PRKAR1B: variants seen among roughly 807,000 people sequenced by gnomAD.
PRKAR1B encodes cAMP-dependent protein kinase type I-beta regulatory subunit.
PRKAR1B carries 22 observed loss-of-function variants against 46.5 expected under a neutral mutation model. That is an observed-to-expected ratio of 0.47 (90% CI 0.34 to 0.68). PRKAR1B has a LOEUF of 0.68. Among genes scored for constraint, PRKAR1B ranks in the 30% least tolerant of loss-of-function variants. PRKAR1B has a pLI of 0.01. For synonymous variants in PRKAR1B, 259 were observed against 217.7 expected (o/e 1.19, Z -1.67); for missense variants, 445 against 535.6 (o/e 0.83, Z 1.67).
rs1199036298 is a variant in PRKAR1B at position 726,984 on chromosome 7, C to A, written c.-23+226G>T. 2.3e-6 allele frequency: 3 copies of A among 1,283,544 alleles called. No homozygotes were observed. In the African/African-American group the frequency reaches 4.7e-5, roughly 20 times the overall value. 79.5% of individuals were successfully genotyped at this position (1,283,544 alleles called of 1,614,324 possible). On this transcript the variant is annotated intron_variant, in intron 1 of 10. Coordinates refer to ENST00000537384, the MANE Select transcript of PRKAR1B (RefSeq NM_001164760.2). ...GCTTGCTGCGCTGCCTGAGCGACCCCGCCGAGGGCTGCCGCGCGCTGGCAG... is the reference window on the plus strand; with the variant it reads ...GCTTGCTGCGCTGCCTGAGCGACCCAGCCGAGGGCTGCCGCGCGCTGGCAG...
chr7:564,127 G>A (rs544621480), intron 9 of PRKAR1B, among the ~76,000 whole-genome samples: 3 of 152,022 alleles, frequency 2.0e-5, no homozygotes, highest in Admixed American at 6.5e-5. Flanking sequence ...CATACCCCAC[G>A]CAGCCACCAC....
intron 2 of PRKAR1B, among the ~76,000 whole-genome samples, chr7:682,755 A>T (rs1778763842): frequency 6.6e-6 from 1 of 152,134 alleles, no homozygotes; most frequent in East Asian, 1.9e-4. Flanking sequence ...AAAAAAAAAA[A>T]AATTGTTTTA....
chr7:722,594 A>G (rs768833208), intron 1 of PRKAR1B, among the ~76,000 whole-genome samples: 3 of 150,852 alleles, frequency 2.0e-5, no homozygotes, highest in African/African-American at 7.3e-5. Context: ...CTGGTTTCAA[A>G]CTCCTGACCT....
intron 7 of PRKAR1B, among the ~76,000 whole-genome samples, chr7:587,826 G>C (rs1780685335): frequency 6.6e-6 from 1 of 152,236 alleles, no homozygotes; most frequent in African/African-American, 2.4e-5. Context: ...TGCTGTGGAA[G>C]GAAAACAGCT....
intron 8 of PRKAR1B, among the ~76,000 whole-genome samples, chr7:582,044 T>G (rs935708639): frequency 6.6e-6 from 1 of 152,192 alleles, no homozygotes; most frequent in South Asian, 2.1e-4. Flanking sequence ...ACAGATGGGA[T>G]CCATCCCCAT....
At chr7:645,974 G>T (rs529527083) in intron 4 of PRKAR1B, among the ~76,000 whole-genome samples, 5 of 152,192 alleles carry the variant, frequency 3.3e-5, no homozygotes, top group Non-Finnish European at 7.3e-5. Flanking sequence ...GTGTGCACCT[G>T]ACCCCACGAG....
At chr7:726,585 C>G (rs972756350) in intron 1 of PRKAR1B, 3 of 551,630 alleles carry the variant, frequency 5.4e-6, no homozygotes, top group African/African-American at 2.1e-5. Flanking sequence ...ACGACAAGAG[C>G]ACAGGCCCAC....
At chr7:722,618 C>A (rs562955603) in intron 1 of PRKAR1B, among the ~76,000 whole-genome samples, 1 of 146,056 alleles carries the variant, frequency 6.8e-6, no homozygotes, top group East Asian at 2.0e-4. Flanking sequence ...GTGATCTGCC[C>A]GCCTTGGCCT....
intron 2 of PRKAR1B, among the ~76,000 whole-genome samples, chr7:698,428 G>A (rs924435074): frequency 5.9e-5 from 9 of 152,096 alleles, no homozygotes; most frequent in African/African-American, 2.2e-4. Flanking sequence ...AAGTACGTGT[G>A]CATGTGTGTC....
rs367634048 is a variant in PRKAR1B at position 601,333 on chromosome 7, A to T, written c.549+4860T>A. On this transcript the variant is annotated intron_variant, in intron 6 of 10. Coordinates refer to ENST00000537384, the MANE Select transcript of PRKAR1B (RefSeq NM_001164760.2). ...AGGCGATTTACAGAAACCAGCAAAC[A>T]ACATGCAGCACCCAGGGTTCACACA... is the stretch of plus-strand genomic sequence containing the variant. Among the ~76,000 whole-genome samples the T allele has an allele frequency of 4.6e-5, 7 of 152,294 alleles. No homozygotes were observed. In the South Asian group the frequency reaches 8.3e-4, roughly 18 times the overall value.
chr7:670,223 G>A (rs977842868), intron 4 of PRKAR1B, among the ~76,000 whole-genome samples: 2 of 152,154 alleles, frequency 1.3e-5, no homozygotes, highest in African/African-American at 4.8e-5. Context: ...AGGGAGGACA[G>A]ATGTTGGAAA....
intron 7 of PRKAR1B, among the ~76,000 whole-genome samples, chr7:586,577 G>A (rs1324471859): frequency 3.9e-5 from 6 of 152,160 alleles, no homozygotes; most frequent in South Asian, 2.1e-4. Context: ...CCCCCAGCCC[G>A]AGGAGGGTTC....
intron 4 of PRKAR1B, among the ~76,000 whole-genome samples, chr7:615,820 T>TC (rs1782779203): frequency 1.5e-5 from 1 of 67,544 alleles, no homozygotes; most frequent in Admixed American, 2.7e-4. Flanking sequence ...AGAGCAAGAC[T>TC]CCATCAAAAA....
At chr7:556,309 C>A (rs145163942) in intron 9 of PRKAR1B, among the ~76,000 whole-genome samples, 4 of 151,830 alleles carry the variant, frequency 2.6e-5, no homozygotes, top group Non-Finnish European at 5.9e-5. Flanking sequence ...ATCCCAGAGG[C>A]CACCAAAGCA....
At chr7:681,449 T>TA (rs774738782) in intron 2 of PRKAR1B, among the ~76,000 whole-genome samples, 5 of 152,138 alleles carry the variant, frequency 3.3e-5, no homozygotes, top group Non-Finnish European at 7.4e-5. Context: ...TGGGTGAGGC[T>TA]CTCCAGGTAA....
intron 4 of PRKAR1B, among the ~76,000 whole-genome samples, chr7:636,420 A>ACACGTCCTCCACCAGCCGCGCCCT (rs1784101539): frequency 2.0e-5 from 1 of 50,118 alleles, no homozygotes. Flanking sequence ...GGCCGCGCCC[A>ACACGTCCTCCACCAGCCGCGCCCT]CACGTCCTCC....
rs776359883 is a variant in PRKAR1B, at chr7:714,321, CAGCCCTCTGATCCCGAGGCGCACACACA to C, written c.-22-2822_-22-2795del. On this transcript the variant is annotated intron_variant, in intron 1 of 10. Transcript: ENST00000537384. This position sits in a 1 kb window ranked among gnomAD's most constrained non-coding sequence, Gnocchi z 4.3. ...CACCTCTCTGGCTGACCTCACAGGACAGCCCTCTGATCCCGAGGCGCACACACAAGCCCTCCTTCTGCTGCAATACCTC... is the reference window on the plus strand; with the variant it reads ...CACCTCTCTGGCTGACCTCACAGGACAGCCCTCCTTCTGCTGCAATACCTC... 4.6e-5 allele frequency among the ~76,000 whole-genome samples: 7 copies of C among 152,216 alleles called. No homozygotes were observed. Among genetic ancestry groups the C allele is most frequent in the Non-Finnish European group, 8.8e-5 (6 of 68,032 alleles).
Position 596,302 on chromosome 7 carries a change from C to T in PRKAR1B, c.552G>A (p.Val184=), listed in dbSNP as rs766531654. The T allele has an allele frequency of 1.9e-6, 3 of 1,611,664 alleles. No homozygotes were observed. The highest frequency in any genetic ancestry group is 2.2e-5 in the East Asian group (1 of 44,826). The change falls in exon 7 of 11, where the codon GTG becomes GTA. Residue 184 remains valine, a splice_region_variant and synonymous_variant. Coordinates refer to ENST00000537384, the MANE Select transcript of PRKAR1B (RefSeq NM_001164760.2). ...TGGTCACCCACTCTCCGTTCACGTA[C>T]ACCTTTGGGGAGCAAGAGAGAGAAG... The part of the protein sequence containing the change: ...FYVVDQGEVD[V]YVNGEWVTNI...
In PRKAR1B at chr7:685,322, ATATACG is replaced by A. The variant is rs1478847709; in HGVS notation, c.178-4602_178-4597del. The stretch of plus-strand genomic sequence containing the variant: ...TATATATATACGTATATATACGTAT[ATATACG>A]TATATATACGTATATATATGTATAC... On this transcript the variant is annotated intron_variant, in intron 2 of 10. Transcript: ENST00000537384. 5.1e-4 allele frequency among the ~76,000 whole-genome samples: 49 copies of A among 96,582 alleles called. 1 individual carries two copies. Among genetic ancestry groups the A allele is most frequent in the East Asian group, 1.7e-3 (6 of 3,456 alleles). The allele number at this position is 96,582 out of a possible 152,430, so 63.4% of individuals were successfully genotyped here. A position where few individuals can be genotyped will look rare whatever the true frequency, so the allele number is the denominator to read the frequency against.
Sources: allele counts gnomAD v4.1 joint callset (sites outside exome capture counted in the v4.1 genomes callset), GRCh38; gene constraint gnomAD v4.1.1; non-coding constraint Gnocchi (gnomAD v3.1); transcripts MANE v1.5; gene names NCBI Gene and HGNC (gene_info 2026-07-23, HGNC 2026-07-21).